SLC25A26: variants seen among roughly 807,000 people sequenced by gnomAD.
SLC25A26 encodes the protein mitochondrial S-adenosylmethionine carrier protein.
Under a neutral mutation model 37.8 loss-of-function variants are expected in SLC25A26, and 36 were observed. The observed-to-expected ratio is 0.95, with a 90% CI of 0.73 to 1.26. SLC25A26 has a LOEUF of 1.26. Ranked by LOEUF, SLC25A26 falls within the 50% of genes most tolerant of loss-of-function variation. The pLI is 0.00. For missense variants in SLC25A26, 390 were observed against 331.1 expected (o/e 1.18, Z -1.38); for synonymous variants, 129 against 122.5 (o/e 1.05, Z -0.35).
intron 5 of SLC25A26, among the ~76,000 whole-genome samples, chr3:66,308,247 T>C (rs2075280698): frequency 6.6e-6 from 1 of 152,204 alleles, no homozygotes. Context: ...CTAGGTATTT[T>C]ATTCTCTTTG....
intron 1 of SLC25A26, among the ~76,000 whole-genome samples, chr3:66,163,537 A>G (rs1470871332): frequency 6.6e-6 from 1 of 152,124 alleles, no homozygotes; most frequent in Non-Finnish European, 1.5e-5. Context: ...CCCCAGAACT[A>G]TTTTGTCTAA....
chr3:66,345,119 C>T (rs533363067), intron 5 of SLC25A26, among the ~76,000 whole-genome samples: 2 of 152,150 alleles, frequency 1.3e-5, no homozygotes, highest in East Asian at 1.9e-4. Flanking sequence ...AAATACCTAA[C>T]TCTAAGTGTG....
At chr3:66,251,233 A>G (rs1220083508) in intron 3 of SLC25A26, among the ~76,000 whole-genome samples, 2 of 152,110 alleles carry the variant, frequency 1.3e-5, no homozygotes, top group African/African-American at 4.8e-5. Flanking sequence ...TGTAATTTTA[A>G]GAAAGTCCCC....
At chr3:66,234,060 C>A (rs782288665) in intron 1 of SLC25A26, among the ~76,000 whole-genome samples, 3 of 151,354 alleles carry the variant, frequency 2.0e-5, no homozygotes, top group African/African-American at 7.3e-5. Flanking sequence ...TTTGAGAAAA[C>A]GAGGAGGCAT....
intron 3 of SLC25A26, among the ~76,000 whole-genome samples, chr3:66,243,857 C>G (rs1295671105): frequency 6.6e-6 from 1 of 152,224 alleles, no homozygotes; most frequent in Admixed American, 6.5e-5. Context: ...CCAGCTCCCA[C>G]TGGTTCTTTT....
intron 5 of SLC25A26, among the ~76,000 whole-genome samples, chr3:66,326,007 A>G (rs933190595): frequency 2.6e-5 from 4 of 152,308 alleles, no homozygotes; most frequent in South Asian, 2.1e-4. Flanking sequence ...AATAGATTGA[A>G]GAAATATTTA....
intron 1 of SLC25A26, among the ~76,000 whole-genome samples, chr3:66,221,540 A>G (rs1016138205): frequency 2.0e-5 from 3 of 151,954 alleles, no homozygotes; most frequent in African/African-American, 7.3e-5. Context: ...TACGTTTCTC[A>G]TTTTGCTGCA....
At chr3:66,164,038 T>G (rs948236805) in intron 1 of SLC25A26, among the ~76,000 whole-genome samples, 7 of 152,184 alleles carry the variant, frequency 4.6e-5, no homozygotes, top group Admixed American at 4.6e-4. Context: ...GTCAATAGTG[T>G]TGGGGTTGAG....
chr3:66,195,168 T>C (rs2071024270), intron 1 of SLC25A26, among the ~76,000 whole-genome samples: 1 of 152,242 alleles, frequency 6.6e-6, no homozygotes. Context: ...ACTGCCACTC[T>C]TGGCAAAGTT....
At chr3:66,336,130 G>C (rs9848152) in intron 5 of SLC25A26, among the ~76,000 whole-genome samples, 1 of 152,076 alleles carries the variant, frequency 6.6e-6, no homozygotes, top group Non-Finnish European at 1.5e-5. Context: ...GTTTTAAAAT[G>C]TTATTTTTTA....
In SLC25A26 at chr3:66,243,277, A is replaced by G. The variant is rs150226514; in HGVS notation, c.265A>G (p.Met89Val). The stretch of plus-strand genomic sequence containing the variant: ...TGATTCATCTTCATATTTGACACCT[A>G]TGAAACATATGTTGGCTGCCTCTGC... ...HADSSSYLTP[M>V]KHMLAASAGE... The change falls in exon 3 of 10, where the codon ATG becomes GTG. Residue 89 changes from methionine to valine, a missense_variant. Physicochemically the swap from Met to Val is conservative, Grantham distance 21. Transcript: ENST00000354883. The G allele has an allele frequency of 1.2e-5, 19 of 1,607,950 alleles. No homozygotes were observed. Among genetic ancestry groups the G allele is most frequent in the African/African-American group, 5.3e-5 (4 of 74,854 alleles).
chr3:66,207,228 C>A (rs1233761951), intron 1 of SLC25A26, among the ~76,000 whole-genome samples: 4 of 152,116 alleles, frequency 2.6e-5, no homozygotes, highest in African/African-American at 9.7e-5. Flanking sequence ...CTGCCTCAAA[C>A]AAGGTATGGT....
chr3:66,359,392 C>T (rs2076646964), intron 6 of SLC25A26, among the ~76,000 whole-genome samples: 1 of 152,180 alleles, frequency 6.6e-6, no homozygotes, highest in Non-Finnish European at 1.5e-5. Context: ...GAATTTATGA[C>T]TTGCATAACA....
At chr3:66,296,921 G>A (rs563731160) in intron 5 of SLC25A26, among the ~76,000 whole-genome samples, 4 of 152,236 alleles carry the variant, frequency 2.6e-5, no homozygotes, top group East Asian at 1.9e-4. Context: ...CTTGACTGGC[G>A]TAGGCCCTGC....
chr3:66,354,057 G>A (rs77649636), intron 6 of SLC25A26, among the ~76,000 whole-genome samples: 7,187 of 152,240 alleles, frequency 0.047, 226 homozygotes, highest in South Asian at 0.076. Context: ...CAGCTATAAA[G>A]AGTTTTCCCT....
At chr3:66,331,110 AC>A (rs2075963883) in intron 5 of SLC25A26, among the ~76,000 whole-genome samples, 1 of 152,080 alleles carries the variant, frequency 6.6e-6, no homozygotes, top group African/African-American at 2.4e-5. Context: ...TCTATATATA[AC>A]TCTGGTACTA....
chr3:66,377,712 C>T lies in SLC25A26; in HGVS notation c.730C>T (p.Arg244Ter), dbSNP rs748224332. The T allele has an allele frequency of 8.1e-6, 13 of 1,613,678 alleles. No homozygotes were observed. Among genetic ancestry groups the T allele is most frequent in the African/African-American group, 1.3e-5 (1 of 74,964 alleles). Residue 244 changes from arginine to a stop codon, truncating the protein, a stop_gained, in exon 10 of 10, where the codon CGA (arginine) becomes TGA (stop). Transcript: ENST00000354883. LOFTEE classifies it high-confidence loss of function. ...TAGATTATTTGCAGGTGTCTTCCCT[C>T]GAATGGCAGCCATCAGTCTGGGAGG... ...LAGLFAGVFP[R>*]MAAISLGGFI...
At chr3:66,223,596 C>T (rs2071600789) in intron 1 of SLC25A26, among the ~76,000 whole-genome samples, 1 of 152,102 alleles carries the variant, frequency 6.6e-6, no homozygotes, top group African/African-American at 2.4e-5. Context: ...TTTACCAGTA[C>T]CTGGCACTAG....
At chr3:66,230,360 T>C (rs2071954331) in intron 1 of SLC25A26, among the ~76,000 whole-genome samples, 1 of 151,902 alleles carries the variant, frequency 6.6e-6, no homozygotes, top group Admixed American at 6.6e-5. Flanking sequence ...GACTGGAAAA[T>C]TGGGAAAGGC....
Sources: allele counts gnomAD v4.1 joint callset (sites outside exome capture counted in the v4.1 genomes callset), GRCh38; gene constraint gnomAD v4.1.1; transcripts MANE v1.5; gene names NCBI Gene and HGNC (gene_info 2026-07-23, HGNC 2026-07-21).